The following FHIP1A variants were observed in gnomAD, a reference collection of about 807,000 sequenced individuals.
FHIP1A encodes FHF complex subunit HOOK interacting protein 1A.
In FHIP1A, 61 loss-of-function variants were observed where a neutral mutation model predicts 88.6. The observed-to-expected ratio is 0.69, with a 90% CI of 0.56 to 0.85. The LOEUF (loss-of-function observed/expected upper bound fraction) is 0.85, where lower values mean the gene tolerates loss of function less well. Among genes scored for constraint, FHIP1A ranks in the 40% least tolerant of loss-of-function variants. The probability of loss-of-function intolerance (pLI) is 0.00; values close to 1 mark genes in which losing one functional copy is unlikely to be tolerated. For synonymous variants in FHIP1A, 478 were observed against 496.0 expected (o/e 0.96, Z 0.48); for missense variants, 1,154 against 1,273.5 (o/e 0.91, Z 1.43).
intron 7 of FHIP1A, among the ~76,000 whole-genome samples, chr4:151,617,932 C>T (rs1337666910): frequency 6.6e-6 from 1 of 152,138 alleles, no homozygotes; most frequent in Admixed American, 6.6e-5. Context: ...AATACAAGCA[C>T]TGCTGTGGGC....
At chr4:151,513,367 A>G (rs1731107323) in intron 3 of FHIP1A, among the ~76,000 whole-genome samples, 1 of 152,252 alleles carries the variant, frequency 6.6e-6, no homozygotes, top group Non-Finnish European at 1.5e-5. Context: ...TGTAAAGACC[A>G]TCGAGGCTAG....
chr4:151,521,776 G>T lies in FHIP1A; in HGVS notation c.-123+39128G>T, dbSNP rs180758139. 6.0e-3 allele frequency among the ~76,000 whole-genome samples: 912 copies of T among 152,184 alleles called. 4 individuals carry two copies. The highest frequency in any genetic ancestry group is 8.2e-3 in the Non-Finnish European group (558 of 68,014). The stretch of plus-strand genomic sequence containing the variant: ...GTCTTGCTCTGTCCCACAGACTGGA[G>T]TGCAGTGGCATGATCACAGCTCACT... On this transcript the variant is annotated intron_variant, in intron 3 of 13. Coordinates refer to ENST00000435205, the MANE Select transcript of FHIP1A (RefSeq NM_001109977.3).
At chr4:151,431,204 T>C (rs1308775406) in intron 1 of FHIP1A, among the ~76,000 whole-genome samples, 1 of 152,136 alleles carries the variant, frequency 6.6e-6, no homozygotes, top group African/African-American at 2.4e-5. Flanking sequence ...CTATGTTTTC[T>C]GCCCATCTGT....
chr4:151,550,641 T>C (rs1732693153), intron 3 of FHIP1A, among the ~76,000 whole-genome samples: 1 of 152,220 alleles, frequency 6.6e-6, no homozygotes, highest in Admixed American at 6.5e-5. Flanking sequence ...TTGTACCATT[T>C]AAAAGATTTC....
At position 151,650,557 on chromosome 4, in the gene FHIP1A, G is replaced by A. The variant is rs780912010; in HGVS notation, c.2516G>A (p.Arg839His). 1.6e-5 allele frequency: 25 copies of A among 1,550,910 alleles called. No individual in the cohort carries two copies. The highest frequency in any genetic ancestry group is 2.4e-5 in the East Asian group (1 of 40,918). The change falls in exon 11 of 14, where the codon CGC becomes CAC. Residue 839 changes from arginine to histidine, a missense_variant. Coordinates refer to ENST00000435205, the MANE Select transcript of FHIP1A (RefSeq NM_001109977.3). Reference sequence around the variant, plus strand: ...AGAGATGAGGCTGCCTTTGCCAGTCGCCATCCCGTGAGGACTCAAAGCACC... The same window carrying A: ...AGAGATGAGGCTGCCTTTGCCAGTCACCATCCCGTGAGGACTCAAAGCACC... ...VGRDEAAFASRHPVRTQSTPF... is the reference protein window; with the variant it reads ...VGRDEAAFASHHPVRTQSTPF...
At chr4:151,451,778 C>T (rs1728797027) in intron 1 of FHIP1A, among the ~76,000 whole-genome samples, 1 of 151,126 alleles carries the variant, frequency 6.6e-6, no homozygotes, top group African/African-American at 2.4e-5. Context: ...TTTTCAGTTG[C>T]ATGTGTTTTT....
At position 151,560,216 on chromosome 4, in the gene FHIP1A, G is replaced by A. The variant is rs187408984; in HGVS notation, c.-122-5922G>A. ...ACCTTTTTGAAAGATTGGTTTTTAC[G>A]TTTCAAAAGGTAAGCATCACATCAT... On this transcript the variant is annotated intron_variant, in intron 3 of 13. Transcript: ENST00000435205. 2.3e-3 allele frequency among the ~76,000 whole-genome samples: 348 copies of A among 152,170 alleles called. 2 individuals are homozygous for A. The highest frequency in any genetic ancestry group is 7.4e-3 in the African/African-American group (309 of 41,526).
intron 7 of FHIP1A, among the ~76,000 whole-genome samples, chr4:151,605,092 A>G (rs1305632429): frequency 6.6e-6 from 1 of 152,180 alleles, no homozygotes; most frequent in Non-Finnish European, 1.5e-5. Flanking sequence ...GTTGCAGCCA[A>G]AGATGGCTTC....
intron 2 of FHIP1A, among the ~76,000 whole-genome samples, chr4:151,464,787 G>A (rs1729252151): frequency 6.6e-6 from 1 of 152,134 alleles, no homozygotes; most frequent in Non-Finnish European, 1.5e-5. Flanking sequence ...GATGAGTATG[G>A]CATCTGGATA....
chr4:151,497,439 T>TG (rs1365289177), intron 3 of FHIP1A, among the ~76,000 whole-genome samples: 1 of 152,196 alleles, frequency 6.6e-6, no homozygotes, highest in East Asian at 1.9e-4. Context: ...TTTAAATAGT[T>TG]GGGAAAAAAA....
Position 151,656,396 on chromosome 4 carries a change from C to G in FHIP1A, c.2716C>G (p.Arg906Gly). The change falls in exon 12 of 14, where the codon CGC becomes GGC. Residue 906 changes from arginine (R) to glycine (G), a missense_variant. Transcript: ENST00000435205. This position sits in a 1 kb window ranked among gnomAD's most constrained non-coding sequence, Gnocchi z 4.2. ...NTNMVFQPSVRSLYQVLASVK... is the reference protein window; with the variant it reads ...NTNMVFQPSVGSLYQVLASVK... ...CAACATGGTCTTCCAGCCAAGCGTC[C>G]GCTCTCTCTATCAGGTATGTTAGCT... The G allele has an allele frequency of 6.4e-7, 1 of 1,551,702 alleles. No homozygotes were observed. Among genetic ancestry groups the G allele is most frequent in the Non-Finnish European group, 8.7e-7 (1 of 1,146,998 alleles).
At chr4:151,425,113 A>G (rs73864013) in intron 1 of FHIP1A, among the ~76,000 whole-genome samples, 17,146 of 152,218 alleles carry the variant, frequency 0.11, 1,004 homozygotes, top group African/African-American at 0.13. Flanking sequence ...TTAATTGGAT[A>G]CAATAGGTTC....
intron 7 of FHIP1A, among the ~76,000 whole-genome samples, chr4:151,610,075 T>C (rs1332255285): frequency 6.6e-6 from 1 of 152,162 alleles, no homozygotes; most frequent in African/African-American, 2.4e-5. Context: ...ACTACCAGGA[T>C]TGGTTTCCCA....
At chr4:151,561,315 G>A (rs1034537349) in intron 3 of FHIP1A, among the ~76,000 whole-genome samples, 8 of 152,166 alleles carry the variant, frequency 5.3e-5, no homozygotes, top group Admixed American at 4.6e-4. Context: ...CAAATTGAGG[G>A]AGGCTTAAGC....
intron 1 of FHIP1A, among the ~76,000 whole-genome samples, chr4:151,420,381 A>C (rs1733076781): frequency 5.6e-5 from 2 of 35,604 alleles, no homozygotes; most frequent in African/African-American, 1.2e-4. Flanking sequence ...TGGCTGCATA[A>C]ATGTCTTCTT....
At chr4:151,476,161 ATTTTTTTTTT>A (rs564671344) in intron 2 of FHIP1A, among the ~76,000 whole-genome samples, 1 of 111,508 alleles carries the variant, frequency 9.0e-6, no homozygotes, top group Non-Finnish European at 1.8e-5. Context: ...TGCTCGGCCG[ATTTTTTTTTT>A]TTTTTTTTTG....
At chr4:151,569,100 C>T (rs1733500556) in intron 4 of FHIP1A, among the ~76,000 whole-genome samples, 1 of 152,132 alleles carries the variant, frequency 6.6e-6, no homozygotes, top group South Asian at 2.1e-4. Flanking sequence ...ACATAAGCTC[C>T]TAGGCCTACT....
At chr4:151,443,724 T>TGTGTG (rs370363970) in intron 1 of FHIP1A, among the ~76,000 whole-genome samples, 8 of 148,168 alleles carry the variant, frequency 5.4e-5, no homozygotes, top group Middle Eastern at 3.3e-3. Flanking sequence ...TGTGTGTGTG[T>TGTGTG]TTAGTACTGG....
chr4:151,445,496 A>C (rs1332940486), intron 1 of FHIP1A, among the ~76,000 whole-genome samples: 1 of 151,936 alleles, frequency 6.6e-6, no homozygotes, highest in African/African-American at 2.4e-5. Context: ...TGAAAATTCC[A>C]ACCCTTTAAT....
Sources: allele counts gnomAD v4.1 joint callset (sites outside exome capture counted in the v4.1 genomes callset), GRCh38; gene constraint gnomAD v4.1.1; non-coding constraint Gnocchi (gnomAD v3.1); transcripts MANE v1.5; gene names NCBI Gene and HGNC (gene_info 2026-07-23, HGNC 2026-07-21).